CCDC7: variants seen among roughly 807,000 people sequenced by gnomAD.
CCDC7 encodes the protein coiled-coil domain-containing protein 7.
In CCDC7, 183 loss-of-function variants were observed where a neutral mutation model predicts 196.9. The observed-to-expected ratio is 0.93, with a 90% confidence interval of 0.82 to 1.05. CCDC7 has a LOEUF of 1.05. Ranked by LOEUF, CCDC7 falls within the 50% of genes least tolerant of loss-of-function variation. CCDC7 has a pLI of 0.00. For synonymous variants in CCDC7, 525 were observed against 484.6 expected, an observed-to-expected ratio of 1.08 and a Z score of -1.10; for missense variants, 1,540 against 1,482.2, an observed-to-expected ratio of 1.04 and a Z score of -0.64.
rs568588850 is a variant in CCDC7 at position 32,494,631 on chromosome 10, C to T, written c.872+2634C>T. ...TTATTGTTCCACTCCCACTTATGAGCGAGAACATGCGGTGTTTGGTTTTCT... is the reference window on the plus strand; with the variant it reads ...TTATTGTTCCACTCCCACTTATGAGTGAGAACATGCGGTGTTTGGTTTTCT... On this transcript the variant is annotated intron_variant, in intron 9 of 41. Coordinates refer to ENST00000639629, the Ensembl canonical transcript of CCDC7. Among the ~76,000 whole-genome samples the T allele has an allele frequency of 2.2e-4, 34 of 152,140 alleles. No homozygotes were observed. The Middle Eastern group carries it at 0.01, about 46-fold the overall frequency.
intron 28 of CCDC7, among the ~76,000 whole-genome samples, chr10:32,765,453 T>C (rs1591501): frequency 0.92 from 140,304 of 151,918 alleles, 65,775 homozygotes; most frequent in East Asian, 1. Flanking sequence ...TTCCCCAGTT[T>C]GTGAATGTAT....
chr10:32,802,155 A>T (rs965325200), intron 29 of CCDC7, among the ~76,000 whole-genome samples: 1 of 152,176 alleles, frequency 6.6e-6, no homozygotes, highest in Admixed American at 6.5e-5. Flanking sequence ...GAGGCTTAGT[A>T]TGTGCTTCTA....
chr10:32,632,081 G>A (rs948813425), intron 18 of CCDC7, among the ~76,000 whole-genome samples: 13 of 135,486 alleles, frequency 9.6e-5, no homozygotes, highest in Non-Finnish European at 1.9e-4. Flanking sequence ...TAAAACATTT[G>A]TAAGTTGAGA....
intron 39 of CCDC7, among the ~76,000 whole-genome samples, chr10:32,850,056 T>C (rs984714463): frequency 6.6e-6 from 1 of 152,124 alleles, no homozygotes; most frequent in Non-Finnish European, 1.5e-5. Flanking sequence ...TGGGAGGAAT[T>C]GCTACTTTTG....
intron 41 of CCDC7, among the ~76,000 whole-genome samples, chr10:32,868,370 T>C (rs1010861106): frequency 6.6e-6 from 1 of 151,984 alleles, no homozygotes; most frequent in African/African-American, 2.4e-5. Context: ...TTTTCCTCTG[T>C]ATCTACTCAT....
chr10:32,846,279 C>A, intron 36 of CCDC7, 97 bp from the exon 38 acceptor site: 1 of 722,588 alleles, frequency 1.4e-6, no homozygotes, highest in Non-Finnish European at 2.3e-6. Flanking sequence ...TGAAATTCTT[C>A]ATGAATATCC....
intron 18 of CCDC7, among the ~76,000 whole-genome samples, chr10:32,609,335 G>C (rs2061851350): frequency 6.6e-6 from 1 of 152,022 alleles, no homozygotes; most frequent in Non-Finnish European, 1.5e-5. Context: ...CTCTGGCTGA[G>C]TTGATCCTGT....
intron 30 of CCDC7, among the ~76,000 whole-genome samples, chr10:32,813,735 G>C (rs1443439391): frequency 2.6e-5 from 4 of 152,078 alleles, no homozygotes; most frequent in African/African-American, 9.7e-5. Context: ...ATAAGAAATA[G>C]CATTGTATAG....
chr10:32,733,882 C>A (rs1387374585), intron 28 of CCDC7, among the ~76,000 whole-genome samples: 2 of 152,090 alleles, frequency 1.3e-5, no homozygotes, highest in Non-Finnish European at 2.9e-5. Context: ...TAGTGAGATA[C>A]CATCTCACAC....
chr10:32,620,821 T>C (rs1438588341), intron 18 of CCDC7, among the ~76,000 whole-genome samples: 1 of 152,200 alleles, frequency 6.6e-6, no homozygotes, highest in Non-Finnish European at 1.5e-5. Context: ...CTACAGTCAT[T>C]GTTACTACTT....
chr10:32,578,776 AGGGGTT>A (rs2058470302), intron 16 of CCDC7, among the ~76,000 whole-genome samples: 1 of 152,060 alleles, frequency 6.6e-6, no homozygotes, highest in Non-Finnish European at 1.5e-5. Context: ...TTTGTGGTCC[AGGGGTT>A]GGGGATGCCT....
At chr10:32,451,575 C>CTT, upstream of CCDC7, 2 of 1,513,854 alleles carry the variant, frequency 1.3e-6, no homozygotes, top group Non-Finnish European at 1.8e-6. Context: ...CTCTGAATCT[C>CTT]TTATTTTTTT....
intron 28 of CCDC7, among the ~76,000 whole-genome samples, chr10:32,755,482 C>A (rs1381240502): frequency 6.6e-6 from 1 of 152,068 alleles, no homozygotes; most frequent in African/African-American, 2.4e-5. Context: ...GATACCCAGG[C>A]AAATAGGATC....
intron 13 of CCDC7, among the ~76,000 whole-genome samples, chr10:32,563,097 G>A (rs1199008603): frequency 6.6e-6 from 1 of 151,880 alleles, no homozygotes; most frequent in Non-Finnish European, 1.5e-5. Flanking sequence ...TACAAGGGAT[G>A]TGAAGGACCT....
chr10:32,857,067 G>C (rs990931890), intron 41 of CCDC7, among the ~76,000 whole-genome samples: 1 of 152,104 alleles, frequency 6.6e-6, no homozygotes, highest in Non-Finnish European at 1.5e-5. Context: ...AACACCAAGA[G>C]AGATGCCCTC....
chr10:32,552,717 T>C (rs1806770073), intron 13 of CCDC7, among the ~76,000 whole-genome samples: 1 of 152,218 alleles, frequency 6.6e-6, no homozygotes, highest in Non-Finnish European at 1.5e-5. Flanking sequence ...GGCTGATGAT[T>C]GTTTTGTTTA....
chr10:32,716,786 C>G (rs1030434424), intron 25 of CCDC7, among the ~76,000 whole-genome samples: 29 of 152,024 alleles, frequency 1.9e-4, no homozygotes, highest in African/African-American at 6.3e-4. Context: ...AAACAAAGAT[C>G]AAAAAAGACA....
chr10:32,480,365 C>G (rs1396412540), intron 8 of CCDC7, among the ~76,000 whole-genome samples: 1 of 151,834 alleles, frequency 6.6e-6, no homozygotes, highest in African/African-American at 2.4e-5. Flanking sequence ...CTCTGTTGCC[C>G]AGGCTGGAGT....
chr10:32,504,886 G>A (rs2044640340), intron 9 of CCDC7, among the ~76,000 whole-genome samples: 1 of 152,190 alleles, frequency 6.6e-6, no homozygotes, highest in Non-Finnish European at 1.5e-5. Flanking sequence ...TGCTGCTGTT[G>A]GGTGGAATGT....
Sources: allele counts gnomAD v4.1 joint callset (sites outside exome capture counted in the v4.1 genomes callset), GRCh38; gene constraint gnomAD v4.1.1; transcripts MANE v1.5; gene names NCBI Gene and HGNC (gene_info 2026-07-23, HGNC 2026-07-21).